The following CHST11 variants were observed in gnomAD, a reference collection of about 807,000 sequenced individuals.
The protein encoded by CHST11 is carbohydrate sulfotransferase 11, also known as C4S-1.
CHST11 carries 9 observed loss-of-function variants against 30.4 expected under a neutral mutation model. That is an observed-to-expected ratio of 0.30 (90% CI 0.18 to 0.52). The LOEUF (loss-of-function observed/expected upper bound fraction) is 0.52, where lower values mean the gene tolerates loss of function less well. Ranked by LOEUF, CHST11 falls within the 20% of genes least tolerant of loss-of-function variation. The pLI, the probability that CHST11 is intolerant of heterozygous loss-of-function variation, is 0.97. For missense variants in CHST11, 348 were observed against 460.6 expected (o/e 0.76, Z 2.24); for synonymous variants, 152 against 187.8 (o/e 0.81, Z 1.56).
chr12:104,491,150 G>T (rs1348840323), intron 1 of CHST11, among the ~76,000 whole-genome samples: 2 of 152,000 alleles, frequency 1.3e-5, no homozygotes, highest in Non-Finnish European at 2.9e-5. Context: ...TTCTCTACAA[G>T]TATCCTCTCA....
rs749020876 is a variant in CHST11, at chr12:104,757,236, G to T, written c.492G>T (p.Leu164=). The T allele has an allele frequency of 6.2e-7, 1 of 1,614,014 alleles. No homozygotes were observed. The highest frequency in any genetic ancestry group is 8.5e-7 in the Non-Finnish European group (1 of 1,180,046). The change falls in exon 3 of 3, where the codon CTG becomes CTT. Residue 164 remains leucine (L), a synonymous_variant. Coordinates refer to ENST00000303694, the MANE Select transcript of CHST11 (RefSeq NM_018413.6). This position sits in a 1 kb window ranked among gnomAD's most constrained non-coding sequence, Gnocchi z 6.5. ...ACGTCTCCGCCAACCTGAAGACCCT[G>T]AACCAGTACAGCATCCCAGAAATCA... is the stretch of plus-strand genomic sequence containing the variant. ...EAHVSANLKT[L]NQYSIPEINH... is the part of the protein sequence containing the mutation.
chr12:104,652,484 C>G (rs2039500986), intron 2 of CHST11, among the ~76,000 whole-genome samples: 1 of 152,148 alleles, frequency 6.6e-6, no homozygotes, highest in African/African-American at 2.4e-5. Flanking sequence ...GGAAATTGTT[C>G]CAATTTCCCC....
chr12:104,531,479 A>AAAAAAAAAAAAAAAAAAG (rs1167716012), intron 1 of CHST11, among the ~76,000 whole-genome samples: 2 of 145,362 alleles, frequency 1.4e-5, no homozygotes, highest in African/African-American at 5.0e-5. Context: ...AAAAAAAAAA[A>AAAAAAAAAAAAAAAAAAG]AGAGAGAGAG....
chr12:104,501,498 A>G (rs988282980), intron 1 of CHST11, among the ~76,000 whole-genome samples: 2 of 152,220 alleles, frequency 1.3e-5, no homozygotes, highest in Non-Finnish European at 2.9e-5. Context: ...GGTCATGTTC[A>G]AATCCTGGTC....
At chr12:104,714,260 G>T (rs1253796225) in intron 2 of CHST11, among the ~76,000 whole-genome samples, 1 of 152,238 alleles carries the variant, frequency 6.6e-6, no homozygotes, top group Admixed American at 6.5e-5. Flanking sequence ...GCTGGGGAGT[G>T]CTTCCTGCTT....
At chr12:104,716,286 G>A (rs559063765) in intron 2 of CHST11, among the ~76,000 whole-genome samples, 1 of 152,176 alleles carries the variant, frequency 6.6e-6, no homozygotes, top group African/African-American at 2.4e-5. Flanking sequence ...TGTCATTTCA[G>A]ATGCAGCATA....
At chr12:104,558,055 G>A (rs2038474875) in intron 1 of CHST11, among the ~76,000 whole-genome samples, 1 of 152,104 alleles carries the variant, frequency 6.6e-6, no homozygotes, top group Non-Finnish European at 1.5e-5. Flanking sequence ...TTTTCCAGCC[G>A]CAGCAGCAGC....
chr12:104,749,871 A>C (rs1213994074), intron 2 of CHST11, among the ~76,000 whole-genome samples: 1 of 152,204 alleles, frequency 6.6e-6, no homozygotes, highest in Admixed American at 6.5e-5. Flanking sequence ...TCCTTACTCC[A>C]GGTTTCATAA....
chr12:104,562,554 A>C (rs530013195), intron 1 of CHST11, among the ~76,000 whole-genome samples: 1 of 152,282 alleles, frequency 6.6e-6, no homozygotes, highest in East Asian at 1.9e-4. Context: ...CCTGTTGGCA[A>C]ATTGGTTGGT....
rs569706490 is a variant in CHST11 at position 104,673,312 on chromosome 12, C to T, written c.204+71321C>T. On this transcript the variant is annotated intron_variant, in intron 2 of 2. Transcript: ENST00000303694. ...ATCTTTTGGGGAGGTACCATTCAGC[C>T]TACTGTACCTGTTAATGGAATGGTT... 3.3e-5 allele frequency among the ~76,000 whole-genome samples: 5 copies of T among 152,256 alleles called. No homozygotes were observed. In the East Asian group the frequency reaches 9.6e-4, roughly 29 times the overall value.
intron 1 of CHST11, among the ~76,000 whole-genome samples, chr12:104,579,764 C>T (rs1224080545): frequency 6.6e-6 from 1 of 152,182 alleles, no homozygotes; most frequent in African/African-American, 2.4e-5. Context: ...AGACCCACTA[C>T]ACCCAACCAG....
In CHST11 at chr12:104,760,142, C is replaced by T. The variant is rs1256744417; in HGVS notation, c.*2339C>T. 1 of 152,126 alleles carries T rather than the reference C, an allele frequency of 6.6e-6. No individual in the cohort carries two copies. The allele number at this position is 152,126 out of a possible 1,614,324, so 9.4% of individuals were successfully genotyped here. A position where few individuals can be genotyped will look rare whatever the true frequency, so the allele number is the denominator to read the frequency against. Reference sequence around the variant, plus strand: ...CCTGAACTTACATGACCAGGATACTCTATTTTGCAGATCACCCCACAGAGC... The same window carrying T: ...CCTGAACTTACATGACCAGGATACTTTATTTTGCAGATCACCCCACAGAGC... On this transcript the variant is annotated 3_prime_UTR_variant, in exon 3 of 3. Transcript: ENST00000303694.
At chr12:104,750,141 A>G (rs887234887) in intron 2 of CHST11, among the ~76,000 whole-genome samples, 5 of 152,076 alleles carry the variant, frequency 3.3e-5, no homozygotes, top group African/African-American at 1.2e-4. Context: ...AAAGGAAAAT[A>G]TATACATGAT....
chr12:104,589,553 A>G (rs994054891), intron 1 of CHST11, among the ~76,000 whole-genome samples: 1 of 152,236 alleles, frequency 6.6e-6, no homozygotes, highest in African/African-American at 2.4e-5. Flanking sequence ...AATGTACTTA[A>G]TGCCACTGAC....
At chr12:104,464,495 A>G (rs537219595) in intron 1 of CHST11, among the ~76,000 whole-genome samples, 268 of 151,864 alleles carry the variant, frequency 1.8e-3, no homozygotes, top group Middle Eastern at 6.8e-3. Flanking sequence ...TCCTTTTTCA[A>G]TTTTTTAAAA....
At chr12:104,560,309 C>T (rs2038500861) in intron 1 of CHST11, among the ~76,000 whole-genome samples, 1 of 152,020 alleles carries the variant, frequency 6.6e-6, no homozygotes, top group East Asian at 1.9e-4. Context: ...TCTGTTCAAC[C>T]CTGTTTGCAG....
intron 2 of CHST11, among the ~76,000 whole-genome samples, chr12:104,719,987 C>T (rs1320292336): frequency 6.6e-6 from 1 of 152,252 alleles, no homozygotes; most frequent in Non-Finnish European, 1.5e-5. Context: ...GAGAAGAATT[C>T]CCTCTCTCCA....
intron 1 of CHST11, among the ~76,000 whole-genome samples, chr12:104,591,096 G>T (rs1273651508): frequency 6.6e-6 from 1 of 152,058 alleles, no homozygotes; most frequent in Non-Finnish European, 1.5e-5. Flanking sequence ...GGCTGACAGA[G>T]CAGTGAGTGC....
intron 2 of CHST11, among the ~76,000 whole-genome samples, chr12:104,736,872 T>C (rs951452654): frequency 2.6e-5 from 4 of 152,180 alleles, no homozygotes; most frequent in African/African-American, 9.7e-5. Flanking sequence ...TTTGAAAGCA[T>C]AGGAGAAATG....
Sources: gnomAD v4.1 joint callset for allele counts (sites outside exome capture counted in the v4.1 genomes callset) on GRCh38, gnomAD v4.1.1 for gene constraint, Gnocchi (gnomAD v3.1) non-coding constraint, MANE v1.5 for transcripts, NCBI Gene and HGNC (gene_info 2026-07-23, HGNC 2026-07-21) for gene names.